Variants in BOP1 observed in about 807,000 individuals in gnomAD.
BOP1 encodes BOP1 ribosomal biogenesis factor, also known as ribosome biogenesis protein BOP1.
Under a neutral mutation model 82.9 loss-of-function variants are expected in BOP1, and 54 were observed. The ratio of observed to expected loss-of-function variants is 0.65; its 90% CI spans 0.52 to 0.82. The LOEUF (loss-of-function observed/expected upper bound fraction) is 0.82, where lower values mean the gene tolerates loss of function less well. Among genes scored for constraint, BOP1 ranks in the 40% least tolerant of loss-of-function variants. The probability of loss-of-function intolerance (pLI) is 0.00; values close to 1 mark genes in which losing one functional copy is unlikely to be tolerated. For missense variants in BOP1, 1,170 were observed against 1,072.0 expected (o/e 1.09, Z -1.28); for synonymous variants, 566 against 451.1 (o/e 1.25, Z -3.23).
intron 1 of BOP1, among the ~76,000 whole-genome samples, chr8:144,290,249 G>A (rs560927328): frequency 7.5e-4 from 113 of 151,194 alleles, no homozygotes; most frequent in Non-Finnish European, 1.2e-3. Context: ...AGCTACTCAG[G>A]AGGCTGAGTT....
intron 3 of BOP1, among the ~76,000 whole-genome samples, chr8:144,270,869 AG>A (rs1244263549): frequency 1.3e-5 from 2 of 152,100 alleles, no homozygotes; most frequent in African/African-American, 4.8e-5. Flanking sequence ...ACCCTGGGCC[AG>A]CAGCCGCCCC....
Position 144,264,990 on chromosome 8 carries a change from G to A in BOP1, c.472C>T (p.Arg158Cys), listed in dbSNP as rs891797581. ...PHVGYDLDGRRIYKPLRTRDE... is the reference protein window; with the variant it reads ...PHVGYDLDGRCIYKPLRTRDE... Reference sequence around the variant, plus strand: ...CGGGTCCGCAGGGGCTTGTAGATGCGCCTGCCATCCAGGTCGTAGCCCACG... The same window carrying A: ...CGGGTCCGCAGGGGCTTGTAGATGCACCTGCCATCCAGGTCGTAGCCCACG... Residue 158 changes from arginine to cysteine, a missense_variant, in exon 4 of 16, where the codon CGC becomes TGC. Arg to Cys is a radical substitution (Grantham distance 180, BLOSUM62 -3). Transcript: ENST00000569669. 2.9e-3 allele frequency: 4,739 copies of A among 1,612,370 alleles called. 9 individuals are homozygous for A. Among genetic ancestry groups the A allele is most frequent in the Non-Finnish European group, 3.8e-3 (4,506 of 1,179,746 alleles).
At chr8:144,284,778 C>T (rs1814818374) in intron 2 of BOP1, among the ~76,000 whole-genome samples, 1 of 152,208 alleles carries the variant, frequency 6.6e-6, no homozygotes, top group South Asian at 2.1e-4. Context: ...TCTACACAGT[C>T]CTTAGAAAGG....
chr8:144,266,894 C>T, intron 3 of BOP1: 2 of 1,522,600 alleles, frequency 1.3e-6, no homozygotes, highest in African/African-American at 1.4e-5. Flanking sequence ...GTGAACACGG[C>T]CTTCACGGCG....
chr8:144,264,626 A>G lies in BOP1; in HGVS notation c.664-10T>C. On this transcript the variant is annotated splice_polypyrimidine_tract_variant and intron_variant, in intron 5 of 15. Coordinates refer to ENST00000569669, the MANE Select transcript of BOP1 (RefSeq NM_015201.5). ...AGAAGTCGACAGCCGGCTGGGGGAG[A>G]AGATGTGGGCGTGTGGGCCAGAGTG... 1 of 1,587,742 alleles carries G rather than the reference A, an allele frequency of 6.3e-7. No individual in the cohort carries two copies. The highest frequency in any genetic ancestry group is 2.3e-5 in the East Asian group (1 of 43,840).
At chr8:144,280,488 G>A (rs1845650913) in intron 2 of BOP1, among the ~76,000 whole-genome samples, 3 of 152,268 alleles carry the variant, frequency 2.0e-5, no homozygotes, top group African/African-American at 7.2e-5. Flanking sequence ...CAGAGCCTTC[G>A]CTGAGACGCT....
In BOP1 at chr8:144,263,319, C is replaced by A. The variant is rs962856713; in HGVS notation, c.1507G>T (p.Val503Phe). 8 of 1,593,892 alleles carry A rather than the reference C, an allele frequency of 5.0e-6. No homozygotes were observed. The African/African-American group carries it at 1.1e-4, about 21-fold the overall frequency. ...GSTDQLLSAF[V>F]PPEEPPLQPA... Reference sequence around the variant, plus strand: ...TGCAAGGGGGGCTCCTCAGGCGGGACGAAGGCGCTCAACAGCTGATCTGTG... The same window carrying A: ...TGCAAGGGGGGCTCCTCAGGCGGGAAGAAGGCGCTCAACAGCTGATCTGTG... The change falls in exon 12 of 16, where the codon GTC becomes TTC. Residue 503 changes from valine to phenylalanine, a missense_variant. Physicochemically the swap from Val to Phe is conservative, Grantham distance 50 (BLOSUM62 -1). Transcript: ENST00000569669.
At chr8:144,269,777 G>A (rs927339210) in intron 3 of BOP1, among the ~76,000 whole-genome samples, 1 of 152,180 alleles carries the variant, frequency 6.6e-6, no homozygotes, top group African/African-American at 2.4e-5. Context: ...GCAGCTAGGG[G>A]CTGACGCAGC....
At chr8:144,280,776 TG>T (rs1158737620) in intron 2 of BOP1, among the ~76,000 whole-genome samples, 8 of 152,052 alleles carry the variant, frequency 5.3e-5, no homozygotes, top group African/African-American at 1.9e-4. Flanking sequence ...TGCTTGAATC[TG>T]GGGGGTGGAG....
chr8:144,262,661 T>C lies in BOP1; in HGVS notation c.1906A>G (p.Ile636Val), dbSNP rs1554836552. 6.2e-7 allele frequency: 1 copy of C among 1,613,338 alleles called. No individual in the cohort carries two copies. Among genetic ancestry groups the C allele is most frequent in the Non-Finnish European group, 8.5e-7 (1 of 1,179,810 alleles). The change falls in exon 14 of 16, where the codon ATC (isoleucine) becomes GTC (valine). Residue 636 changes from isoleucine (I) to valine (V), a missense_variant. By Grantham distance (29) the Ile-to-Val change is conservative. Transcript: ENST00000569669. ...AGCTTGCTATCGTAGCTCCCACAGA[T>C]GACGTTGTCACCTAGGGCCAAAGGC... ...LAVHPAGDNV[I>V]CGSYDSKLVW...
chr8:144,266,497 G>A (rs1845367937), intron 3 of BOP1: 6 of 986,752 alleles, frequency 6.1e-6, no homozygotes, highest in South Asian at 4.6e-5. Flanking sequence ...AGCTGCCACC[G>A]CGGGGCGCAG....
rs1564593509 is a variant in BOP1, at chr8:144,262,664, CGTT to C, written c.1900_1902del (p.Asn634del). 18 of 1,613,236 alleles carry C rather than the reference CGTT, an allele frequency of 1.1e-5. No individual in the cohort carries two copies. The highest frequency in any genetic ancestry group is 1.7e-5 in the Admixed American group (1 of 59,988). On this transcript the variant is annotated inframe_deletion, in exon 14 of 16. Coordinates refer to ENST00000569669, the MANE Select transcript of BOP1 (RefSeq NM_015201.5). ...TTGCTATCGTAGCTCCCACAGATGA[CGTT>C]GTCACCTAGGGCCAAAGGCTGTGAT...
chr8:144,263,047 C>T lies in BOP1; in HGVS notation c.1700G>A (p.Ser567Asn). Residue 567 changes from serine (S) to asparagine (N), a missense_variant, in exon 13 of 16, where the codon AGC becomes AAC. By Grantham distance (46) the Ser-to-Asn change is conservative (BLOSUM62 1). Transcript: ENST00000569669. ...GHTQVLIHQLSRRRSQSPFRR... is the reference protein window; with the variant it reads ...GHTQVLIHQLNRRRSQSPFRR... ...GAACGGACTCTGGCTGCGGCGACGG[C>T]TCAGCTGGTGAATCAGCACCTGGGT... 6.3e-7 allele frequency: 1 copy of T among 1,579,914 alleles called. No individual in the cohort carries two copies. The highest frequency in any genetic ancestry group is 8.5e-7 in the Non-Finnish European group (1 of 1,172,054).
intron 3 of BOP1, among the ~76,000 whole-genome samples, chr8:144,268,705 G>T (rs1845438306): frequency 6.6e-6 from 1 of 152,152 alleles, no homozygotes; most frequent in African/African-American, 2.4e-5. Flanking sequence ...GTGGGGTGGG[G>T]ACAAGGGAGC....
At chr8:144,286,927 A>C (rs1203551083) in intron 2 of BOP1, among the ~76,000 whole-genome samples, 3 of 152,266 alleles carry the variant, frequency 2.0e-5, no homozygotes, top group Non-Finnish European at 2.9e-5. Context: ...GGAGACAAGC[A>C]GCGAGAAGAG....
chr8:144,277,435 C>A (rs1236592607), intron 2 of BOP1, among the ~76,000 whole-genome samples: 1 of 152,236 alleles, frequency 6.6e-6, no homozygotes, highest in African/African-American at 2.4e-5. Context: ...CAGTTCCACA[C>A]CCGGCTGCGG....
intron 3 of BOP1, among the ~76,000 whole-genome samples, chr8:144,271,175 G>C (rs1402190674): frequency 6.6e-6 from 1 of 151,944 alleles, no homozygotes; most frequent in South Asian, 2.1e-4. Context: ...AGACTGCACC[G>C]GACACAGGCC....
chr8:144,267,048 CG>C, intron 3 of BOP1: 1 of 1,499,756 alleles, frequency 6.7e-7, no homozygotes, highest in Non-Finnish European at 8.8e-7. Context: ...CCTGCCACTC[CG>C]GGCCCGCCTT....
rs1257984089 is a variant in BOP1, at chr8:144,291,397, G to T, written c.-27C>A. ...CCCCACCGCGCGCCGGCCGCCACCCGCACAGCCGCTTCCGACAGCGACCGG... is the reference window on the plus strand; with the variant it reads ...CCCCACCGCGCGCCGGCCGCCACCCTCACAGCCGCTTCCGACAGCGACCGG... On this transcript the variant is annotated 5_prime_UTR_variant, in exon 1 of 16. Transcript: ENST00000569669. This position sits in a 1 kb window ranked among gnomAD's most constrained non-coding sequence, Gnocchi z 4.1. The T allele has an allele frequency of 5.2e-6, 6 of 1,154,346 alleles. No homozygotes were observed. Among genetic ancestry groups the T allele is most frequent in the South Asian group, 4.1e-5 (1 of 24,452 alleles). 71.5% of individuals were successfully genotyped at this position (1,154,346 alleles called of 1,614,324 possible). A position where few individuals can be genotyped will look rare whatever the true frequency, so the allele number is the denominator to read the frequency against.
Sources: allele counts gnomAD v4.1 joint callset (sites outside exome capture counted in the v4.1 genomes callset), GRCh38; gene constraint gnomAD v4.1.1; non-coding constraint Gnocchi (gnomAD v3.1); transcripts MANE v1.5; gene names NCBI Gene and HGNC (gene_info 2026-07-23, HGNC 2026-07-21).